The following TANC2 variants were observed in gnomAD, a reference collection of about 807,000 sequenced individuals.
TANC2 encodes tetratricopeptide repeat, ankyrin repeat and coiled-coil containing 2.
In TANC2, 26 loss-of-function variants were observed where a neutral mutation model predicts 210.5. The ratio of observed to expected loss-of-function variants is 0.12; its 90% CI spans 0.09 to 0.17. The LOEUF is 0.17. TANC2 is among the 10% of genes least tolerant of loss of function. The probability of loss-of-function intolerance (pLI) is 1.00; values close to 1 mark genes in which losing one functional copy is unlikely to be tolerated. For missense variants in TANC2, 2,129 were observed against 2,608.9 expected, an observed-to-expected ratio of 0.82 and a Z score of 4.01; for synonymous variants, 931 against 967.1, an observed-to-expected ratio of 0.96 and a Z score of 0.69.
Position 63,410,860 on chromosome 17 carries a change from C to CAA in TANC2, c.3590-623_3590-622dup, listed in dbSNP as rs34268418. ...AGGGCAACGGAGCAAGACTCCATCT[C>CAA]AAAAAAAAAAAAAAAAAAAAAAAAA... is the stretch of plus-strand genomic sequence containing the variant. On this transcript the variant is annotated intron_variant, in intron 21 of 27. Transcript: ENST00000689528. Among the ~76,000 whole-genome samples the CAA allele has an allele frequency of 6.9e-3, 270 of 39,016 alleles. 24 individuals are homozygous for CAA. Among genetic ancestry groups the CAA allele is most frequent in the East Asian group, 0.05 (31 of 622 alleles). 25.6% of individuals were successfully genotyped at this position (39,016 alleles called of 152,430 possible).
intron 7 of TANC2, among the ~76,000 whole-genome samples, chr17:63,201,593 T>A (rs1203983518): frequency 6.6e-6 from 1 of 151,982 alleles, no homozygotes; most frequent in African/African-American, 2.4e-5. Context: ...ATTTTCCATT[T>A]AATTTTCCCC....
chr17:63,194,982 A>G (rs766091677), intron 6 of TANC2, among the ~76,000 whole-genome samples: 3 of 152,196 alleles, frequency 2.0e-5, no homozygotes, highest in African/African-American at 7.2e-5. Flanking sequence ...AGGAGATGAC[A>G]AATTAATTTT....
At chr17:63,227,977 C>T (rs1709329752) in intron 7 of TANC2, among the ~76,000 whole-genome samples, 3 of 152,170 alleles carry the variant, frequency 2.0e-5, no homozygotes, top group Admixed American at 6.5e-5. Context: ...GATGCTCCTG[C>T]CTCAGCCTTC....
intron 1 of TANC2, among the ~76,000 whole-genome samples, chr17:62,973,999 G>A (rs2031858742): frequency 6.6e-6 from 1 of 152,184 alleles, no homozygotes; most frequent in African/African-American, 2.4e-5. Flanking sequence ...AGACCATACG[G>A]CCTGCAAAGC....
chr17:63,037,938 C>G (rs1293791933), intron 2 of TANC2, among the ~76,000 whole-genome samples: 1 of 151,938 alleles, frequency 6.6e-6, no homozygotes, highest in Non-Finnish European at 1.5e-5. Flanking sequence ...TCCTTTGAAT[C>G]TTTTAAGTGG....
At chr17:63,069,810 C>G (rs1193983245) in intron 2 of TANC2, among the ~76,000 whole-genome samples, 1 of 152,022 alleles carries the variant, frequency 6.6e-6, no homozygotes, top group Non-Finnish European at 1.5e-5. Context: ...TTCCATTGTG[C>G]TTTTTTCATG....
chr17:63,056,174 T>TA (rs79110107), intron 2 of TANC2, among the ~76,000 whole-genome samples: 1,429 of 118,828 alleles, frequency 0.012, 7 homozygotes, highest in African/African-American at 0.016. Context: ...GACTCTGTGT[T>TA]AAAAAAAAAA....
intron 3 of TANC2, among the ~76,000 whole-genome samples, chr17:63,094,014 A>C (rs938968098): frequency 3.9e-5 from 6 of 152,238 alleles, no homozygotes; most frequent in Admixed American, 2.6e-4. Flanking sequence ...TTATGTTTTT[A>C]GTAGTGTTAT....
intron 7 of TANC2, among the ~76,000 whole-genome samples, chr17:63,220,249 C>A (rs967649059): frequency 6.6e-6 from 1 of 151,428 alleles, no homozygotes; most frequent in African/African-American, 2.4e-5. Context: ...GAGCCAAGAT[C>A]GTGCCATTGC....
rs1472423207 is a variant in TANC2, at chr17:63,420,783, C to A, written c.5053C>A (p.Gln1685Lys). ...TCAGCTCCCTGTGGCAGTTCCCCAG[C>A]AAGGGCTCAGGCTACAGCCTGCCAA... is the stretch of plus-strand genomic sequence containing the variant. The change falls in exon 28 of 28, where the codon CAA becomes AAA. Residue 1685 changes from glutamine to lysine, a missense_variant. Transcript: ENST00000689528. The surrounding 1 kb of genome is among the most constrained non-coding windows in gnomAD (Gnocchi z 4.2). 8.7e-6 allele frequency: 14 copies of A among 1,614,024 alleles called. No individual in the cohort carries two copies. Among genetic ancestry groups the A allele is most frequent in the Non-Finnish European group, 1.2e-5 (14 of 1,179,896 alleles).
At chr17:63,249,457 G>A (rs1440666342) in intron 8 of TANC2, among the ~76,000 whole-genome samples, 1 of 152,140 alleles carries the variant, frequency 6.6e-6, no homozygotes, top group East Asian at 1.9e-4. Context: ...CAGTGAATTA[G>A]AGGGATGTGG....
At chr17:63,073,974 A>G (rs1251133920) in exon 3 of TANC2, 2 of 1,590,522 alleles carry the variant, frequency 1.3e-6, no homozygotes, top group South Asian at 1.2e-5. Flanking sequence ...CGGATCGAAG[A>G]CAGTCAAGTG....
At chr17:63,378,512 A>T (rs143790922) in intron 14 of TANC2, among the ~76,000 whole-genome samples, 1 of 152,298 alleles carries the variant, frequency 6.6e-6, no homozygotes, top group East Asian at 1.9e-4. Context: ...TTTTTCTGCA[A>T]TTCTTTTAGC....
At chr17:63,362,877 G>A (rs1284221999) in intron 14 of TANC2, among the ~76,000 whole-genome samples, 3 of 152,082 alleles carry the variant, frequency 2.0e-5, no homozygotes, top group African/African-American at 7.2e-5. Context: ...CAACTCAGGA[G>A]GGGGCAGGGC....
chr17:63,275,111 G>T (rs1400727529), intron 9 of TANC2, among the ~76,000 whole-genome samples: 1 of 152,136 alleles, frequency 6.6e-6, no homozygotes, highest in South Asian at 2.1e-4. Context: ...TGGTAGCTAC[G>T]TGGGTTAAAT....
chr17:63,354,621 A>G (rs774565048), intron 13 of TANC2, among the ~76,000 whole-genome samples, 162 bp from the exon 14 acceptor site: 22 of 152,204 alleles, frequency 1.4e-4, no homozygotes, highest in Non-Finnish European at 2.8e-4. Context: ...TGTCCCTTCT[A>G]TGCAACTAAT....
At chr17:63,101,472 T>C (rs17682717) in intron 4 of TANC2, among the ~76,000 whole-genome samples, 4,480 of 152,316 alleles carry the variant, frequency 0.029, 78 homozygotes, top group South Asian at 0.037. Context: ...CTATTTTCTT[T>C]GTGACTTTCT....
At chr17:63,299,031 T>C (rs2044625390) in intron 9 of TANC2, among the ~76,000 whole-genome samples, 1 of 152,208 alleles carries the variant, frequency 6.6e-6, no homozygotes, top group South Asian at 2.1e-4. Flanking sequence ...TGTTTGGTTT[T>C]CTGTTCCTGT....
At chr17:63,307,080 A>G (rs1241994616) in intron 9 of TANC2, among the ~76,000 whole-genome samples, 1 of 152,196 alleles carries the variant, frequency 6.6e-6, no homozygotes, top group African/African-American at 2.4e-5. Flanking sequence ...CTGAGGGGGA[A>G]GTGATGTGAG....
Sources: gnomAD v4.1 joint callset for allele counts (sites outside exome capture counted in the v4.1 genomes callset) on GRCh38, gnomAD v4.1.1 for gene constraint, Gnocchi (gnomAD v3.1) non-coding constraint, MANE v1.5 for transcripts, NCBI Gene and HGNC (gene_info 2026-07-23, HGNC 2026-07-21) for gene names.